The following NTN4 variants were observed in gnomAD, a reference collection of about 807,000 sequenced individuals.
NTN4 encodes netrin 4.
A neutral mutation model predicts 73.6 loss-of-function variants in NTN4; 32 were observed. The ratio of observed to expected loss-of-function variants is 0.44; its 90% CI spans 0.33 to 0.58. The LOEUF (loss-of-function observed/expected upper bound fraction) is 0.58, where lower values mean the gene tolerates loss of function less well. NTN4 is among the 20% of genes least tolerant of loss of function. The pLI is 0.04. For missense variants in NTN4, 654 were observed against 798.3 expected (o/e 0.82, Z 2.18); for synonymous variants, 258 against 287.5 (o/e 0.90, Z 1.04).
intron 3 of NTN4, among the ~76,000 whole-genome samples, chr12:95,726,192 G>A (rs889279969): frequency 6.6e-6 from 1 of 151,700 alleles, no homozygotes; most frequent in African/African-American, 2.4e-5. Flanking sequence ...TCAAAATGTT[G>A]TACAGTCATT....
chr12:95,672,919 A>G, intron 7 of NTN4: 3 of 1,184,720 alleles, frequency 2.5e-6, no homozygotes, highest in South Asian at 1.2e-5. Context: ...AGAGGCTATC[A>G]TGGAGCTGAA....
At chr12:95,786,869 TA>T (rs372779502) in intron 2 of NTN4, 69 bp downstream of exon 2, 1,870 of 1,196,818 alleles carry the variant, frequency 1.6e-3, no homozygotes, top group Non-Finnish European at 1.9e-3. Context: ...CTTCATGCTT[TA>T]AAAAAAAATG....
intron 2 of NTN4, among the ~76,000 whole-genome samples, chr12:95,751,587 G>T (rs897127441): frequency 1.3e-5 from 2 of 151,946 alleles, no homozygotes; most frequent in Non-Finnish European, 2.9e-5. Flanking sequence ...AGAGCCCCTG[G>T]AACTCTGGCC....
intron 7 of NTN4, among the ~76,000 whole-genome samples, chr12:95,682,057 C>CTTTTTTTTT (rs557973212): frequency 0.016 from 1,039 of 64,522 alleles, 268 homozygotes; most frequent in African/African-American, 0.023. Flanking sequence ...ATTCAGTAGG[C>CTTTTTTTTT]TTTTTTTTTT....
intron 3 of NTN4, among the ~76,000 whole-genome samples, chr12:95,729,647 GT>G (rs2078723818): frequency 1.3e-5 from 2 of 150,582 alleles, no homozygotes; most frequent in African/African-American, 4.9e-5. Context: ...GTGTGTGTGT[GT>G]GTGTGTGTGT....
At chr12:95,683,454 G>T (rs1270397578) in intron 6 of NTN4, 44 bp downstream of exon 6, 1 of 1,557,496 alleles carries the variant, frequency 6.4e-7, no homozygotes, top group Admixed American at 1.7e-5. Flanking sequence ...TTTCAAAAGA[G>T]CCTGAAATAC....
chr12:95,744,026 C>A (rs1304980611), intron 2 of NTN4, among the ~76,000 whole-genome samples: 1 of 152,114 alleles, frequency 6.6e-6, no homozygotes, highest in Non-Finnish European at 1.5e-5. Flanking sequence ...CTCAGCCTCC[C>A]AGGTAGTTGG....
chr12:95,687,557 T>C (rs537681506), intron 5 of NTN4, among the ~76,000 whole-genome samples: 1 of 151,888 alleles, frequency 6.6e-6, no homozygotes, highest in South Asian at 2.1e-4. Flanking sequence ...CCTACCACCA[T>C]ACCGGCTATT....
intron 3 of NTN4, among the ~76,000 whole-genome samples, chr12:95,722,973 CAAAAAAAAA>C (rs71087998): frequency 1.3e-4 from 7 of 55,374 alleles, no homozygotes; most frequent in African/African-American, 3.5e-4. Context: ...GACTCTGTCT[CAAAAAAAAA>C]AAAAAAAAAA....
chr12:95,672,183 C>T (rs1485746695), intron 7 of NTN4: 41 of 520,574 alleles, frequency 7.9e-5, no homozygotes, highest in Non-Finnish European at 1.2e-4. Flanking sequence ...TTGTCGAGCA[C>T]GCAGGCGCAA....
At chr12:95,710,052 C>T (rs2078552708) in intron 5 of NTN4, among the ~76,000 whole-genome samples, 1 of 152,056 alleles carries the variant, frequency 6.6e-6, no homozygotes, top group Admixed American at 6.6e-5. Flanking sequence ...AAGAATAATC[C>T]AAGTGCAGTA....
intron 4 of NTN4, 24 bp from the exon 5 acceptor site, chr12:95,710,653 A>G (rs1188087907): frequency 8.1e-6 from 13 of 1,599,392 alleles, no homozygotes; most frequent in Non-Finnish European, 1.0e-5. Context: ...GCGTGGAGAG[A>G]AACACTAATA....
chr12:95,682,871 C>A, intron 6 of NTN4, 49 bp from the exon 7 acceptor site: 3 of 1,107,366 alleles, frequency 2.7e-6, no homozygotes, highest in Non-Finnish European at 4.1e-6. Context: ...TTTTTTAGAA[C>A]TTGTATAGAA....
chr12:95,738,185 G>A, intron 2 of NTN4, 41 bp from the exon 3 acceptor site: 3 of 1,548,404 alleles, frequency 1.9e-6, no homozygotes, highest in Non-Finnish European at 2.6e-6. Flanking sequence ...ATAGGACTGT[G>A]CGCAAACCCT....
rs191277391 is a variant in NTN4, at chr12:95,732,425, A to G, written c.864+5441T>C. ...TTTTTTTTTTTTTTTTTTTCCAGAC[A>G]AGAGTTTCGCTCTTGTTACCTAGGC... On this transcript the variant is annotated intron_variant, in intron 3 of 9. Transcript: ENST00000343702. 3.2e-3 allele frequency among the ~76,000 whole-genome samples: 412 copies of G among 129,020 alleles called. 3 individuals are homozygous for G. Among genetic ancestry groups the G allele is most frequent in the African/African-American group, 0.012 (390 of 32,700 alleles). The allele number at this position is 129,020 out of a possible 152,430, so 84.6% of individuals were successfully genotyped here. A position where few individuals can be genotyped will look rare whatever the true frequency, so the allele number is the denominator to read the frequency against.
rs116263238 is a variant in NTN4 at position 95,662,377 on chromosome 12, A to G, written c.1751-3155T>C. Among the ~76,000 whole-genome samples the G allele has an allele frequency of 2.5e-3, 385 of 151,890 alleles. 3 individuals carry two copies. The highest frequency in any genetic ancestry group is 9.0e-3 in the African/African-American group (373 of 41,436). The stretch of plus-strand genomic sequence containing the variant: ...TCTGAGTAGCTGGGACAACAGGCTC[A>G]TGCCACTAAACCTGGCTAATTTTTG... On this transcript the variant is annotated intron_variant, in intron 9 of 9. Transcript: ENST00000343702.
At chr12:95,768,726 C>T (rs555164707) in intron 2 of NTN4, among the ~76,000 whole-genome samples, 7 of 152,054 alleles carry the variant, frequency 4.6e-5, no homozygotes, top group South Asian at 2.1e-4. Context: ...GGGGAGCAAG[C>T]GAGACAGAAA....
intron 7 of NTN4, among the ~76,000 whole-genome samples, chr12:95,674,465 C>A (rs2078258156): frequency 6.6e-6 from 1 of 151,112 alleles, no homozygotes; most frequent in Non-Finnish European, 1.5e-5. Context: ...TAAAAGAAAT[C>A]TGGAAGGGAA....
chr12:95,783,410 T>C (rs4432089), intron 2 of NTN4, among the ~76,000 whole-genome samples: 95,645 of 152,156 alleles, frequency 0.63, 30,525 homozygotes, highest in South Asian at 0.78. Flanking sequence ...TTAACAATGC[T>C]ATCTTTTATT....
Sources: gnomAD v4.1 joint callset for allele counts (sites outside exome capture counted in the v4.1 genomes callset) on GRCh38, gnomAD v4.1.1 for gene constraint, MANE v1.5 for transcripts, NCBI Gene and HGNC (gene_info 2026-07-23, HGNC 2026-07-21) for gene names.